Variants in THAP3 observed in about 807,000 individuals in gnomAD.
THAP3 encodes THAP domain-containing protein 3.
Under a neutral mutation model 17.7 loss-of-function variants are expected in THAP3, and 12 were observed. That is an observed-to-expected ratio of 0.68 (90% CI 0.43 to 1.10). The LOEUF is 1.10. THAP3 is among the 50% of genes least tolerant of loss of function. The pLI, the probability that THAP3 is intolerant of heterozygous loss-of-function variation, is 0.00. For missense variants in THAP3, 289 were observed against 318.0 expected (o/e 0.91, Z 0.69); for synonymous variants, 133 against 126.9 (o/e 1.05, Z -0.32).
chr1:6,630,378 G>C, intron 4 of THAP3, 25 bp downstream of exon 4: 1 of 1,612,470 alleles, frequency 6.2e-7, no homozygotes, highest in Non-Finnish European at 8.5e-7. Context: ...CCAGGTACTT[G>C]AATGTTTAAA....
At chr1:6,631,137 TGGG>T (rs893270551) in intron 4 of THAP3, among the ~76,000 whole-genome samples, 8 of 152,034 alleles carry the variant, frequency 5.3e-5, no homozygotes, top group Non-Finnish European at 7.4e-5. Context: ...CCCAAGTGGC[TGGG>T]ACCACAAGCA....
chr1:6,633,914 C>T (rs1641699069), downstream of THAP3: 1 of 1,021,478 alleles, frequency 9.8e-7, no homozygotes. Flanking sequence ...GAGACTCAGT[C>T]TGAAAAAAAA....
intron 1 of THAP3, 44 bp from the exon 2 acceptor site, chr1:6,625,106 C>T (rs1641423270): frequency 8.0e-7 from 1 of 1,245,282 alleles, no homozygotes; most frequent in Admixed American, 2.2e-5. Context: ...TGGAGGCGAG[C>T]CAGGCCCGTC....
chr1:6,627,795 C>G (rs572108274), intron 2 of THAP3: 1 of 152,400 alleles, frequency 6.6e-6, no homozygotes, highest in Admixed American at 6.5e-5. Flanking sequence ...CAAAATACAT[C>G]CAAGTCTGCC....
Position 6,625,297 on chromosome 1 carries a change from G to T in THAP3, c.74+5G>T. 1 of 1,534,382 alleles carries T rather than the reference G, an allele frequency of 6.5e-7. No homozygotes were observed. ...GAAGCAGCTCACCTTCCACCGGTAAGAGGCGGGGACCCGGGGGCGCGGGAG... is the reference window on the plus strand; with the variant it reads ...GAAGCAGCTCACCTTCCACCGGTAATAGGCGGGGACCCGGGGGCGCGGGAG... On this transcript the variant is annotated splice_donor_5th_base_variant and intron_variant, in intron 2 of 5. Transcript: ENST00000054650.
At position 6,632,442 on chromosome 1, in the gene THAP3, A is replaced by C; in HGVS notation, c.385A>C (p.Thr129Pro). The C allele has an allele frequency of 6.2e-7, 1 of 1,614,156 alleles. No individual in the cohort carries two copies. Among genetic ancestry groups the C allele is most frequent in the Non-Finnish European group, 8.5e-7 (1 of 1,180,024 alleles). ...GEDSPGRNMD[T>P]ALEELQLPPN... Reference sequence around the variant, plus strand: ...GGACAGTCCTGGGAGAAACATGGACACTGCACTTGAAGAGCTTCAGTTGCC... The same window carrying C: ...GGACAGTCCTGGGAGAAACATGGACCCTGCACTTGAAGAGCTTCAGTTGCC... The change falls in exon 5 of 6, where the codon ACT becomes CCT. Residue 129 changes from threonine to proline, a missense_variant. Coordinates refer to ENST00000054650, the MANE Select transcript of THAP3 (RefSeq NM_001195753.2).
chr1:6,631,091 A>G (rs564539508), intron 4 of THAP3, among the ~76,000 whole-genome samples: 6 of 151,542 alleles, frequency 4.0e-5, no homozygotes, highest in African/African-American at 7.3e-5. Context: ...AGCAGCCTCA[A>G]CCTCCCAGGA....
chr1:6,634,006 T>C (rs1286389780), downstream of THAP3: 1 of 1,611,700 alleles, frequency 6.2e-7, no homozygotes, highest in Non-Finnish European at 8.5e-7. Flanking sequence ...ACTTGGGGTC[T>C]ATTTATTTCT....
At chr1:6,632,307 A>C (rs1213447548) in intron 4 of THAP3, 84 bp from the exon 5 acceptor site, 1 of 1,560,338 alleles carries the variant, frequency 6.4e-7, no homozygotes. Flanking sequence ...GGCTGTTGCC[A>C]CTCCCCTAGA....
rs528331549 is a variant in THAP3, at chr1:6,625,173, C to A, written c.-46C>A. ...AGGTCCCTCCCCTCTCCGCAGGCCCCGCCGCCGCCGCCATCTTTGTTGGGG... is the reference window on the plus strand; with the variant it reads ...AGGTCCCTCCCCTCTCCGCAGGCCCAGCCGCCGCCGCCATCTTTGTTGGGG... On this transcript the variant is annotated 5_prime_UTR_variant, in exon 2 of 6. Coordinates refer to ENST00000054650, the MANE Select transcript of THAP3 (RefSeq NM_001195753.2). 2.0e-6 allele frequency: 3 copies of A among 1,493,704 alleles called. No homozygotes were observed. Among genetic ancestry groups the A allele is most frequent in the Admixed American group, 2.0e-5 (1 of 49,144 alleles). 92.5% of individuals were successfully genotyped at this position (1,493,704 alleles called of 1,614,324 possible).
chr1:6,634,116 G>T (rs1294203578), downstream of THAP3: 11 of 1,597,978 alleles, frequency 6.9e-6, no homozygotes, highest in Non-Finnish European at 9.4e-6. Context: ...TCTGGGGAAG[G>T]GGTTCCCTCC....
At chr1:6,633,955 C>A, downstream of THAP3, 2 of 1,437,466 alleles carry the variant, frequency 1.4e-6, no homozygotes, top group Non-Finnish European at 1.9e-6. Context: ...TAATTTATAG[C>A]TTTAGTGAAT....
At chr1:6,632,350 TGTGCAGGGCTGTA>T (rs1381525753) in intron 4 of THAP3, 28 bp from the exon 5 acceptor site, 1 of 1,608,280 alleles carries the variant, frequency 6.2e-7, no homozygotes, top group Admixed American at 1.7e-5. Context: ...GGGCCCTGCA[TGTGCAGGGCTGTA>T]GTGCAGACTT....
At chr1:6,625,751 GC>G (rs1314726094) in intron 2 of THAP3, among the ~76,000 whole-genome samples, 1 of 16,402 alleles carries the variant, frequency 6.1e-5, no homozygotes, top group African/African-American at 2.7e-4. Context: ...CACTCGCCCG[GC>G]CCGGCCCGGC....
At chr1:6,625,434 G>A in intron 2 of THAP3, 142 bp downstream of exon 2, 1 of 590,778 alleles carries the variant, frequency 1.7e-6, no homozygotes, top group Non-Finnish European at 2.3e-6. Context: ...GGGCCCAGAG[G>A]GGCTGGCGCC....
downstream of THAP3, chr1:6,633,704 T>C: frequency 8.7e-6 from 5 of 576,690 alleles, no homozygotes; most frequent in Non-Finnish European, 1.2e-5. Context: ...AGGTCAGGAG[T>C]TCAAGACCAG....
At position 6,628,442 on chromosome 1, in the gene THAP3, CTCTG is replaced by C; in HGVS notation, c.75-56_75-53del. ...GTAGTGATGTGAAAATTCCGAATGA[CTCTG>C]AGGCGCTGGGTCCAGCCTTGCTGGG... On this transcript the variant is annotated intron_variant, in intron 2 of 5. Transcript: ENST00000054650. 3 of 1,478,566 alleles carry C rather than the reference CTCTG, an allele frequency of 2.0e-6. No individual in the cohort carries two copies. In the South Asian group the frequency reaches 4.0e-5, roughly 19 times the overall value. 91.6% of individuals were successfully genotyped at this position (1,478,566 alleles called of 1,614,324 possible).
chr1:6,630,761 G>A (rs1009144828), intron 4 of THAP3, among the ~76,000 whole-genome samples: 2 of 152,016 alleles, frequency 1.3e-5, no homozygotes, highest in Non-Finnish European at 2.9e-5. Flanking sequence ...AAATAGAGAC[G>A]GGGTTTTACC....
chr1:6,634,962 C>T (rs1291720851), downstream of THAP3: 10 of 970,240 alleles, frequency 1.0e-5, no homozygotes, highest in South Asian at 7.6e-5. Context: ...GGTGGCAGGG[C>T]GTTTTCCCAC....
Sources: gnomAD v4.1 joint callset for allele counts (sites outside exome capture counted in the v4.1 genomes callset) on GRCh38, gnomAD v4.1.1 for gene constraint, MANE v1.5 for transcripts, NCBI Gene and HGNC (gene_info 2026-07-23, HGNC 2026-07-21) for gene names.